The following SGCZ variants were observed in gnomAD, a reference collection of about 807,000 sequenced individuals.
SGCZ encodes zeta-sarcoglycan.
In SGCZ, 40 loss-of-function variants were observed where a neutral mutation model predicts 41.3. The observed-to-expected ratio is 0.97, with a 90% CI of 0.75 to 1.26. The LOEUF is 1.26. Among genes scored for constraint, SGCZ ranks in the 50% most tolerant of loss-of-function variants. The pLI is 0.00. For synonymous variants in SGCZ, 206 were observed against 137.5 expected, an observed-to-expected ratio of 1.50 and a Z score of -3.49; for missense variants, 552 against 369.8, an observed-to-expected ratio of 1.49 and a Z score of -4.04.
At chr8:14,142,166 G>A (rs761785829) in intron 5 of SGCZ, among the ~76,000 whole-genome samples, 2 of 152,096 alleles carry the variant, frequency 1.3e-5, no homozygotes, top group South Asian at 2.1e-4. Flanking sequence ...AGGGCCTGTC[G>A]AGGGGTGGAG....
chr8:14,623,756 A>G (rs1806360421), intron 1 of SGCZ, among the ~76,000 whole-genome samples: 1 of 152,114 alleles, frequency 6.6e-6, no homozygotes, highest in African/African-American at 2.4e-5. Context: ...TTGAGATGTC[A>G]CCGGGGTGCT....
chr8:14,840,588 C>G (rs1466809682), intron 1 of SGCZ, among the ~76,000 whole-genome samples: 1 of 152,030 alleles, frequency 6.6e-6, no homozygotes, highest in Non-Finnish European at 1.5e-5. Context: ...GAATCAATGT[C>G]AAAGAAACCA....
At chr8:15,077,188 C>G (rs1410547135) in intron 1 of SGCZ, among the ~76,000 whole-genome samples, 1 of 152,000 alleles carries the variant, frequency 6.6e-6, no homozygotes, top group East Asian at 1.9e-4. Flanking sequence ...TGACCAAACT[C>G]GACTTTATCA....
intron 1 of SGCZ, among the ~76,000 whole-genome samples, chr8:14,736,998 G>C (rs1799055993): frequency 6.6e-6 from 1 of 150,802 alleles, no homozygotes; most frequent in Non-Finnish European, 1.5e-5. Context: ...TCAACAAGTG[G>C]ATAAAGAAAC....
At chr8:15,110,722 A>C (rs1363561276) in intron 1 of SGCZ, among the ~76,000 whole-genome samples, 2 of 152,160 alleles carry the variant, frequency 1.3e-5, no homozygotes, top group Non-Finnish European at 2.9e-5. Flanking sequence ...TAATCCCAGC[A>C]CTTTGGGAAG....
chr8:14,342,745 G>A (rs113323814), intron 2 of SGCZ, among the ~76,000 whole-genome samples: 1 of 152,136 alleles, frequency 6.6e-6, no homozygotes, highest in Non-Finnish European at 1.5e-5. Flanking sequence ...TGATAGAAAA[G>A]AAAAACCCAT....
At chr8:14,329,243 C>T (rs1056547472) in intron 2 of SGCZ, among the ~76,000 whole-genome samples, 37 of 152,208 alleles carry the variant, frequency 2.4e-4, no homozygotes, top group Non-Finnish European at 4.7e-4. Flanking sequence ...TTGACTTTGA[C>T]ATGTTGTCTA....
intron 2 of SGCZ, among the ~76,000 whole-genome samples, chr8:14,416,366 T>C (rs1021211843): frequency 1.1e-4 from 17 of 151,872 alleles, no homozygotes; most frequent in African/African-American, 4.1e-4. Context: ...ATGTAGAAAT[T>C]TTATATTTTT....
At chr8:14,452,404 C>A (rs1029847201) in intron 2 of SGCZ, among the ~76,000 whole-genome samples, 1 of 151,880 alleles carries the variant, frequency 6.6e-6, no homozygotes, top group African/African-American at 2.4e-5. Context: ...TATACTTGTC[C>A]TAACTCAAAG....
At chr8:15,038,702 T>G (rs1337474737) in intron 1 of SGCZ, among the ~76,000 whole-genome samples, 2 of 150,664 alleles carry the variant, frequency 1.3e-5, no homozygotes, top group Non-Finnish European at 2.9e-5. Flanking sequence ...AATTGTAAAT[T>G]ATCACTTCTG....
At chr8:14,455,466 AC>A (rs1800714744) in intron 2 of SGCZ, among the ~76,000 whole-genome samples, 2 of 131,716 alleles carry the variant, frequency 1.5e-5, no homozygotes, top group African/African-American at 8.8e-5. Context: ...ACACACACAC[AC>A]ACACACACAC....
intron 1 of SGCZ, among the ~76,000 whole-genome samples, chr8:14,826,013 G>C (rs1302904589): frequency 6.6e-6 from 1 of 151,646 alleles, no homozygotes; most frequent in Non-Finnish European, 1.5e-5. Context: ...ATGTATACAT[G>C]TGCCATGTTG....
At chr8:14,101,994 G>C (rs1802036773) in intron 7 of SGCZ, among the ~76,000 whole-genome samples, 1 of 151,190 alleles carries the variant, frequency 6.6e-6, no homozygotes, top group African/African-American at 2.4e-5. Context: ...GTGAATGGGA[G>C]TGAATGGGTT....
intron 1 of SGCZ, among the ~76,000 whole-genome samples, chr8:15,187,591 A>G (rs1563173117): frequency 6.6e-6 from 1 of 152,058 alleles, no homozygotes. Context: ...AAATAGACTC[A>G]AAATCACATA....
chr8:14,792,879 C>A (rs1186657453), intron 1 of SGCZ, among the ~76,000 whole-genome samples: 2 of 152,090 alleles, frequency 1.3e-5, no homozygotes, highest in Non-Finnish European at 2.9e-5. Flanking sequence ...GATAGACTCT[C>A]CTCCTAGGTA....
intron 2 of SGCZ, among the ~76,000 whole-genome samples, chr8:14,535,547 TA>T (rs1468719109): frequency 1.3e-5 from 2 of 151,884 alleles, no homozygotes; most frequent in African/African-American, 4.8e-5. Context: ...AAATACAACT[TA>T]AATGTGTAGG....
intron 4 of SGCZ, among the ~76,000 whole-genome samples, chr8:14,175,692 A>G (rs1804521516): frequency 6.6e-6 from 1 of 152,116 alleles, no homozygotes; most frequent in African/African-American, 2.4e-5. Context: ...AACAAAACAA[A>G]AAAGGAGGTA....
At chr8:14,270,331 C>CA (rs201951632) in intron 3 of SGCZ, among the ~76,000 whole-genome samples, 2,335 of 147,374 alleles carry the variant, frequency 0.016, 37 homozygotes, top group South Asian at 0.057. Flanking sequence ...AACTCCGTCT[C>CA]AAAAAAAAAA....
chr8:14,618,359 C>G (rs956556629), intron 1 of SGCZ, among the ~76,000 whole-genome samples: 1 of 152,048 alleles, frequency 6.6e-6, no homozygotes, highest in Non-Finnish European at 1.5e-5. Flanking sequence ...GTAGAAAGAA[C>G]GGAATTAGAA....
Sources: gnomAD v4.1 joint callset for allele counts (sites outside exome capture counted in the v4.1 genomes callset) on GRCh38, gnomAD v4.1.1 for gene constraint, MANE v1.5 for transcripts, NCBI Gene and HGNC (gene_info 2026-07-23, HGNC 2026-07-21) for gene names.